Variants in TRPC6 observed in about 807,000 individuals in gnomAD.
The protein encoded by TRPC6 is transient receptor potential cation channel subfamily C member 6.
A neutral mutation model predicts 90.7 loss-of-function variants in TRPC6; 55 were observed. The observed-to-expected ratio is 0.61, with a 90% CI of 0.49 to 0.76. The LOEUF (loss-of-function observed/expected upper bound fraction) is 0.76, where lower values mean the gene tolerates loss of function less well. TRPC6 is among the 30% of genes least tolerant of loss of function. TRPC6 has a pLI of 0.00. For synonymous variants in TRPC6, 393 were observed against 393.0 expected (o/e 1.00, Z 0.00); for missense variants, 989 against 1,122.7 (o/e 0.88, Z 1.70).
intron 1 of TRPC6, among the ~76,000 whole-genome samples, chr11:101,522,028 A>T (rs148892738): frequency 2.2e-4 from 34 of 152,224 alleles, no homozygotes; most frequent in African/African-American, 7.2e-4. Context: ...TGGACTTTTG[A>T]GTTAATGCTG....
chr11:101,471,472 G>A, intron 8 of TRPC6, 86 bp from the exon 9 acceptor site: 1 of 1,412,520 alleles, frequency 7.1e-7, no homozygotes, highest in Non-Finnish European at 1.0e-6. Flanking sequence ...CTAGATGGAG[G>A]ACAATGCCTA....
chr11:101,574,021 A>G (rs1181161351), intron 1 of TRPC6, among the ~76,000 whole-genome samples: 1 of 150,200 alleles, frequency 6.7e-6, no homozygotes, highest in Non-Finnish European at 1.5e-5. Context: ...AGATTTGTTT[A>G]GCAACATTCT....
Position 101,483,027 on chromosome 11 carries a change from C to G in TRPC6, c.1432G>C (p.Asp478His), listed in dbSNP as rs761999321. 6 of 1,614,072 alleles carry G rather than the reference C, an allele frequency of 3.7e-6. No individual in the cohort carries two copies. The highest frequency in any genetic ancestry group is 5.1e-6 in the Non-Finnish European group (6 of 1,179,946). The stretch of plus-strand genomic sequence containing the variant: ...ATCCTGAACAGCTGTTTTGCATTAT[C>G]TGTGCTGGTTTCATTAGGAAGGAGT... ...TKLLPNETST[D>H]NAKQLFRMKT... The change falls in exon 5 of 13, where the codon GAT (aspartate) becomes CAT (histidine). Residue 478 changes from aspartate to histidine, a missense_variant. By Grantham distance (81) the Asp-to-His change is moderately conservative (BLOSUM62 -1). Transcript: ENST00000344327.
chr11:101,498,237 C>A (rs1228988629), intron 2 of TRPC6, among the ~76,000 whole-genome samples: 1 of 152,106 alleles, frequency 6.6e-6, no homozygotes, highest in East Asian at 1.9e-4. Flanking sequence ...TGTCTTAACC[C>A]AATTTTAAGC....
intron 10 of TRPC6, among the ~76,000 whole-genome samples, chr11:101,456,896 T>A (rs7480272): frequency 9.2e-4 from 140 of 152,290 alleles, no homozygotes; most frequent in African/African-American, 3.3e-3. Flanking sequence ...CTAGTCAGTT[T>A]CTAATACATC....
chr11:101,504,943 T>C (rs1860223434), intron 1 of TRPC6, 145 bp from the exon 2 acceptor site: 11 of 1,014,870 alleles, frequency 1.1e-5, no homozygotes, highest in Non-Finnish European at 1.4e-5. Context: ...AAAATGAAGA[T>C]GCATTTATTT....
intron 1 of TRPC6, among the ~76,000 whole-genome samples, chr11:101,566,209 T>A (rs1861825582): frequency 6.6e-6 from 1 of 152,226 alleles, no homozygotes; most frequent in South Asian, 2.1e-4. Flanking sequence ...CACAACATGG[T>A]ACAAATCAAA....
chr11:101,489,477 A>T (rs1264420627), intron 3 of TRPC6, among the ~76,000 whole-genome samples: 1 of 152,146 alleles, frequency 6.6e-6, no homozygotes, highest in Non-Finnish European at 1.5e-5. Context: ...TTTTTTAAAA[A>T]TACCACCTTT....
At chr11:101,526,730 G>A (rs1591111483) in intron 1 of TRPC6, among the ~76,000 whole-genome samples, 3 of 151,640 alleles carry the variant, frequency 2.0e-5, no homozygotes, top group Admixed American at 2.0e-4. Context: ...TGGGCGTGGT[G>A]GCGGGTGCCT....
Position 101,473,763 on chromosome 11 carries a change from C to T in TRPC6, c.1755G>A (p.Lys585=), listed in dbSNP as rs201767580. 4 of 1,613,624 alleles carry T rather than the reference C, an allele frequency of 2.5e-6. No individual in the cohort carries two copies. The highest frequency in any genetic ancestry group is 3.4e-6 in the Non-Finnish European group (4 of 1,179,678). ...NVKYYNLARI[K]WDPSDPQIIS... ...TTATTTGAGGATCAGAGGGGTCCCA[C>T]TTTATCCTGGCTAGGAAAAAGCAAA... Residue 585 remains lysine, a synonymous_variant, in exon 7 of 13, where the codon AAG becomes AAA. Coordinates refer to ENST00000344327, the MANE Select transcript of TRPC6 (RefSeq NM_004621.6).
At chr11:101,478,499 TTC>T (rs1432214421) in intron 5 of TRPC6, among the ~76,000 whole-genome samples, 14 of 152,184 alleles carry the variant, frequency 9.2e-5, no homozygotes, top group Non-Finnish European at 1.6e-4. Context: ...CCATTTTCTT[TTC>T]TCTTTCTCTC....
At chr11:101,507,765 G>T (rs1430438383) in intron 1 of TRPC6, among the ~76,000 whole-genome samples, 1 of 151,970 alleles carries the variant, frequency 6.6e-6, no homozygotes, top group Admixed American at 6.6e-5. Context: ...AAATTACATG[G>T]TTGTTTATTG....
At chr11:101,541,756 G>GA (rs1333726078) in intron 1 of TRPC6, among the ~76,000 whole-genome samples, 5 of 151,418 alleles carry the variant, frequency 3.3e-5, no homozygotes, top group Admixed American at 6.6e-5. Context: ...CAGTGCAAAA[G>GA]AAAAAAAAGT....
intron 1 of TRPC6, among the ~76,000 whole-genome samples, chr11:101,526,861 C>CAAAAAAAAAA: frequency 1.7e-3 from 62 of 36,138 alleles, no homozygotes; most frequent in Non-Finnish European, 2.0e-3. Context: ...GAGACTGTCT[C>CAAAAAAAAAA]AAAAAAAAAA....
intron 1 of TRPC6, among the ~76,000 whole-genome samples, chr11:101,517,038 A>G (rs534845890): frequency 6.6e-6 from 1 of 152,380 alleles, no homozygotes; most frequent in South Asian, 2.1e-4. Context: ...AAAGCTACAT[A>G]ATATGAACAG....
chr11:101,466,183 G>T (rs1200169904), intron 10 of TRPC6, among the ~76,000 whole-genome samples: 2 of 152,132 alleles, frequency 1.3e-5, no homozygotes, highest in East Asian at 3.9e-4. Flanking sequence ...ATACACAGGG[G>T]TCAGGGACCC....
At chr11:101,497,708 T>C (rs1003928548) in intron 2 of TRPC6, among the ~76,000 whole-genome samples, 6 of 152,274 alleles carry the variant, frequency 3.9e-5, no homozygotes, top group South Asian at 2.1e-4. Context: ...CTTTATTTTT[T>C]ATTTTAAGTT....
chr11:101,555,374 C>A (rs563278840), intron 1 of TRPC6, among the ~76,000 whole-genome samples: 79 of 152,270 alleles, frequency 5.2e-4, no homozygotes, highest in African/African-American at 1.8e-3. Context: ...TATTTAACAA[C>A]GACCACCAAA....
intron 1 of TRPC6, among the ~76,000 whole-genome samples, chr11:101,578,715 A>G (rs1045772026): frequency 1.3e-5 from 2 of 152,194 alleles, no homozygotes; most frequent in South Asian, 4.1e-4. Context: ...GTACATATCC[A>G]TCGGAGACCT....
Sources: gnomAD v4.1 joint callset for allele counts (sites outside exome capture counted in the v4.1 genomes callset) on GRCh38, gnomAD v4.1.1 for gene constraint, MANE v1.5 for transcripts, NCBI Gene and HGNC (gene_info 2026-07-23, HGNC 2026-07-21) for gene names.